Variants in ZNF292 observed in about 807,000 individuals in gnomAD.
ZNF292 encodes 16 zinc-finger domain protein.
ZNF292 carries 26 observed loss-of-function variants against 217.9 expected under a neutral mutation model. The observed-to-expected ratio is 0.12, with a 90% CI of 0.09 to 0.17. The LOEUF is 0.17. ZNF292 is among the 10% of genes least tolerant of loss of function. ZNF292 has a pLI of 1.00. For missense variants in ZNF292, 2,904 were observed against 3,175.2 expected (o/e 0.91, Z 2.05); for synonymous variants, 1,257 against 1,124.1 (o/e 1.12, Z -2.37).
chr6:87,261,339 C>G lies in ZNF292; in HGVS notation c.7710C>G (p.Ala2570=). The G allele has an allele frequency of 6.2e-7, 1 of 1,613,334 alleles. No homozygotes were observed. Among genetic ancestry groups the G allele is most frequent in the East Asian group, 2.2e-5 (1 of 44,862 alleles). Residue 2570 remains alanine (A), a synonymous_variant, in exon 8 of 8, where the codon GCC becomes GCG. Transcript: ENST00000369577. ...SVRKEEETAV[A]IQTIEEHPAS... is the part of the protein sequence containing the mutation. ...GTAAAGAAGAAGAAACTGCTGTTGCCATTCAAACCATTGAGGAGCATCCTG... is the reference window on the plus strand; with the variant it reads ...GTAAAGAAGAAGAAACTGCTGTTGCGATTCAAACCATTGAGGAGCATCCTG...
In ZNF292 at chr6:87,258,854, C is replaced by T. The variant is rs755423944; in HGVS notation, c.5225C>T (p.Ser1742Phe). 5 of 1,610,158 alleles carry T rather than the reference C, an allele frequency of 3.1e-6. No homozygotes were observed. Among genetic ancestry groups the T allele is most frequent in the Non-Finnish European group, 4.2e-6 (5 of 1,177,860 alleles). The change falls in exon 8 of 8, where the codon TCT becomes TTT. Residue 1742 changes from serine (S) to phenylalanine (F), a missense_variant. Transcript: ENST00000369577. ...ALNSCTTSINSDLQISEDNVI... is the reference protein window; with the variant it reads ...ALNSCTTSINFDLQISEDNVI... The stretch of plus-strand genomic sequence containing the variant: ...AATTCATGCACAACTTCAATAAATT[C>T]TGATTTGCAGATTTCTGAAGACAAT...
intron 1 of ZNF292, chr6:87,169,872 T>A: frequency 1.4e-5 from 3 of 210,080 alleles, no homozygotes; most frequent in Non-Finnish European, 3.0e-5. Flanking sequence ...GGTCTTGATC[T>A]CCTGGGCTCA....
intron 1 of ZNF292, among the ~76,000 whole-genome samples, chr6:87,201,341 AC>A (rs894010184): frequency 6.6e-6 from 1 of 152,004 alleles, no homozygotes; most frequent in African/African-American, 2.4e-5. Context: ...TCTTAAGAAA[AC>A]CTTCTTTGCC....
At chr6:87,221,253 A>G (rs1773070234) in intron 4 of ZNF292, among the ~76,000 whole-genome samples, 1 of 152,198 alleles carries the variant, frequency 6.6e-6, no homozygotes, top group African/African-American at 2.4e-5. Context: ...AACCAATACA[A>G]GTCAAGTAGA....
At position 87,259,219 on chromosome 6, in the gene ZNF292, A is replaced by G; in HGVS notation, c.5590A>G (p.Asn1864Asp). The G allele has an allele frequency of 6.2e-7, 1 of 1,613,666 alleles. No individual in the cohort carries two copies. Among genetic ancestry groups the G allele is most frequent in the East Asian group, 2.2e-5 (1 of 44,866 alleles). ...STPASQCVLI[N>D]TSVTLTPTPV... Reference sequence around the variant, plus strand: ...TCCAGCATCCCAATGTGTACTGATAAATACATCAGTGACACTGACTCCCAC... The same window carrying G: ...TCCAGCATCCCAATGTGTACTGATAGATACATCAGTGACACTGACTCCCAC... The change falls in exon 8 of 8, where the codon AAT becomes GAT. Residue 1864 changes from asparagine to aspartate, a missense_variant. By Grantham distance (23) the Asn-to-Asp change is conservative (BLOSUM62 1). This residue lies in a region of ZNF292 where 622 missense variants were observed against 573.1 expected (regional missense o/e 1.09). Coordinates refer to ENST00000369577, the MANE Select transcript of ZNF292 (RefSeq NM_015021.3).
At chr6:87,253,220 CTTTTTTTT>C (rs66511840) in intron 7 of ZNF292, among the ~76,000 whole-genome samples, 6 of 118,968 alleles carry the variant, frequency 5.0e-5, no homozygotes, top group South Asian at 2.7e-4. Context: ...CATGCCCAGC[CTTTTTTTT>C]TTTTTTTTTT....
rs764626246 is a variant in ZNF292, at chr6:87,254,821, C to T, written c.1192C>T (p.Pro398Ser). The T allele has an allele frequency of 2.5e-6, 4 of 1,613,816 alleles. No individual in the cohort carries two copies. In the East Asian group the frequency reaches 8.9e-5, roughly 36 times the overall value. ...TCAACTGAGTGAATTTCTTATTGAG[C>T]CTACAGTAGATGCGTATTATGCTGT... is the stretch of plus-strand genomic sequence containing the variant. ...ACQLSEFLIE[P>S]TVDAYYAVEM... is the part of the protein sequence containing the mutation. The change falls in exon 8 of 8, where the codon CCT (proline) becomes TCT (serine). Residue 398 changes from proline to serine, a missense_variant. By Grantham distance (74) the Pro-to-Ser change is moderately conservative. Around this residue, in one of 15 missense-constraint regions of ZNF292, gnomAD observed 313 missense variants for 451.0 expected, o/e 0.69. Coordinates refer to ENST00000369577, the MANE Select transcript of ZNF292 (RefSeq NM_015021.3).
chr6:87,164,727 A>G (rs1031864110), intron 1 of ZNF292, among the ~76,000 whole-genome samples: 3 of 150,470 alleles, frequency 2.0e-5, no homozygotes, highest in African/African-American at 7.3e-5. Context: ...TCCCCGCCCC[A>G]TCACTGAGAC....
intron 1 of ZNF292, among the ~76,000 whole-genome samples, chr6:87,166,322 A>G (rs1401551108): frequency 2.0e-5 from 3 of 152,202 alleles, no homozygotes; most frequent in Admixed American, 6.5e-5. Context: ...CAGTGTTACA[A>G]TAGTGGAAAG....
intron 1 of ZNF292, among the ~76,000 whole-genome samples, chr6:87,187,714 C>CAAAAAA (rs10687268): frequency 6.2e-5 from 6 of 96,646 alleles, no homozygotes; most frequent in African/African-American, 1.2e-4. Context: ...GACTCTGCCT[C>CAAAAAA]AAAAAAAAAA....
chr6:87,184,728 A>T (rs1190982659), intron 1 of ZNF292, among the ~76,000 whole-genome samples: 3 of 152,172 alleles, frequency 2.0e-5, no homozygotes, highest in Non-Finnish European at 4.4e-5. Context: ...GCTGTAGCAA[A>T]GCTCAGTCCA....
intron 5 of ZNF292, among the ~76,000 whole-genome samples, chr6:87,240,398 A>AT (rs1206759812): frequency 6.6e-6 from 1 of 151,546 alleles, no homozygotes; most frequent in African/African-American, 2.4e-5. Flanking sequence ...AGGGGGTTTT[A>AT]TTTTTTATTT....
At chr6:87,213,951 A>G (rs1394385358) in intron 1 of ZNF292, 1 of 145,368 alleles carries the variant, frequency 6.9e-6, no homozygotes, top group East Asian at 1.9e-4. Flanking sequence ...TTTGCGAGAA[A>G]GAGGATCAAG....
intron 7 of ZNF292, among the ~76,000 whole-genome samples, chr6:87,248,331 A>T (rs567920527): frequency 1.3e-5 from 2 of 152,328 alleles, no homozygotes; most frequent in African/African-American, 4.8e-5. Context: ...TTTCTCTTCT[A>T]AAAATAATTT....
At chr6:87,221,469 T>C (rs1773078538) in intron 4 of ZNF292, among the ~76,000 whole-genome samples, 1 of 152,204 alleles carries the variant, frequency 6.6e-6, no homozygotes, top group African/African-American at 2.4e-5. Context: ...ATTCTTAGCC[T>C]GCGATTAGAA....
chr6:87,216,106 TAGACACACACAC>T lies in ZNF292; in HGVS notation c.323+51_323+62del, dbSNP rs563926118. 2,148 of 951,974 alleles carry T rather than the reference TAGACACACACAC, an allele frequency of 2.3e-3. 54 individuals are homozygous for T. In the African/African-American group the frequency reaches 0.036, roughly 16 times the overall value. The allele number at this position is 951,974 out of a possible 1,614,324, so 59.0% of individuals were successfully genotyped here. Reference sequence around the variant, plus strand: ...AACTAGATTTAGCTTTAAAAATACATAGACACACACACACACACACACACACACACACACACA... The same window carrying T: ...AACTAGATTTAGCTTTAAAAATACATACACACACACACACACACACACACA... On this transcript the variant is annotated intron_variant, in intron 2 of 7. Coordinates refer to ENST00000369577, the MANE Select transcript of ZNF292 (RefSeq NM_015021.3).
At chr6:87,161,819 A>G (rs577618490) in intron 1 of ZNF292, among the ~76,000 whole-genome samples, 1 of 152,316 alleles carries the variant, frequency 6.6e-6, no homozygotes, top group Non-Finnish European at 1.5e-5. Context: ...TACAATGAAA[A>G]CTTGATCTTT....
At position 87,260,267 on chromosome 6, in the gene ZNF292, T is replaced by C. The variant is rs1562193722; in HGVS notation, c.6638T>C (p.Val2213Ala). Residue 2213 changes from valine to alanine, a missense_variant, in exon 8 of 8, where the codon GTT becomes GCT. By Grantham distance (64) the Val-to-Ala change is moderately conservative. Coordinates refer to ENST00000369577, the MANE Select transcript of ZNF292 (RefSeq NM_015021.3). Reference sequence around the variant, plus strand: ...GAAAGTATGACTGCTTCAGTGGATGTTGGGAAGTTTCCATGTGACCAGTTA... The same window carrying C: ...GAAAGTATGACTGCTTCAGTGGATGCTGGGAAGTTTCCATGTGACCAGTTA... ...EIESMTASVD[V>A]GKFPCDQLEC... 6.2e-7 allele frequency: 1 copy of C among 1,613,664 alleles called. No homozygotes were observed. Among genetic ancestry groups the C allele is most frequent in the Middle Eastern group, 1.7e-4 (1 of 6,060 alleles).
chr6:87,258,841 A>G lies in ZNF292; in HGVS notation c.5212A>G (p.Thr1738Ala). The G allele has an allele frequency of 1.2e-6, 2 of 1,611,772 alleles. No individual in the cohort carries two copies. Among genetic ancestry groups the G allele is most frequent in the Non-Finnish European group, 1.7e-6 (2 of 1,178,784 alleles). Residue 1738 changes from threonine to alanine, a missense_variant, in exon 8 of 8, where the codon ACT becomes GCT. By Grantham distance (58) the Thr-to-Ala change is moderately conservative. Coordinates refer to ENST00000369577, the MANE Select transcript of ZNF292 (RefSeq NM_015021.3). ...SQMMALNSCT[T>A]SINSDLQISE... ...AATGATGGCTTTGAATTCATGCACA[A>G]CTTCAATAAATTCTGATTTGCAGAT...
Sources: gnomAD v4.1 joint callset for allele counts (sites outside exome capture counted in the v4.1 genomes callset) on GRCh38, gnomAD v4.1.1 for gene constraint, gnomAD v4.1.1 regional missense constraint, MANE v1.5 for transcripts, NCBI Gene and HGNC (gene_info 2026-07-23, HGNC 2026-07-21) for gene names.